XDH: variants seen among roughly 807,000 people sequenced by gnomAD.
The protein encoded by XDH is xanthine dehydrogenase/oxidase.
XDH carries 138 observed loss-of-function variants against 156.1 expected under a neutral mutation model. The observed-to-expected ratio is 0.88, with a 90% CI of 0.77 to 1.02. XDH has a LOEUF of 1.02. Ranked by LOEUF, XDH falls within the 50% of genes least tolerant of loss-of-function variation. The probability of loss-of-function intolerance (pLI) is 0.00; values close to 1 mark genes in which losing one functional copy is unlikely to be tolerated. For synonymous variants in XDH, 669 were observed against 625.7 expected, an observed-to-expected ratio of 1.07 and a Z score of -1.03; for missense variants, 1,849 against 1,684.9, an observed-to-expected ratio of 1.10 and a Z score of -1.71.
chr2:31,406,740 A>G (rs866316340), intron 1 of XDH, among the ~76,000 whole-genome samples: 7 of 152,340 alleles, frequency 4.6e-5, no homozygotes, highest in Middle Eastern at 3.4e-3. Context: ...GGCATCTGAG[A>G]GCATGGCATG....
rs752146912 is a variant in XDH, at chr2:31,350,080, C to T, written c.2775G>A (p.Glu925=). The change falls in exon 25 of 36, where the codon GAG becomes GAA. Residue 925 remains glutamate (E), a synonymous_variant. Coordinates refer to ENST00000379416, the MANE Select transcript of XDH (RefSeq NM_000379.4). The part of the protein sequence containing the change: ...FGGPQGMLIA[E]CWMSEVAVTC... ...TCACTGCAACTTCACTCATCCAGCACTCGGCAATGAGCATCCCCTGGGGCC... is the reference window on the plus strand; with the variant it reads ...TCACTGCAACTTCACTCATCCAGCATTCGGCAATGAGCATCCCCTGGGGCC... 6.2e-7 allele frequency: 1 copy of T among 1,614,256 alleles called. No individual in the cohort carries two copies. The highest frequency in any genetic ancestry group is 8.5e-7 in the Non-Finnish European group (1 of 1,180,054).
intron 6 of XDH, among the ~76,000 whole-genome samples, chr2:31,395,846 A>G (rs1558312306): frequency 6.6e-6 from 1 of 152,164 alleles, no homozygotes; most frequent in African/African-American, 2.4e-5. Context: ...TCTTGTTTAG[A>G]TGAAATAAAG....
intron 21 of XDH, 69 bp from the exon 22 acceptor site, chr2:31,366,178 C>G: frequency 6.2e-7 from 1 of 1,613,286 alleles, no homozygotes; most frequent in Non-Finnish European, 8.5e-7. Context: ...TAAGGCAGAG[C>G]CTGTCCAACA....
At chr2:31,393,225 G>C (rs764904851) in intron 6 of XDH, among the ~76,000 whole-genome samples, 14 of 152,112 alleles carry the variant, frequency 9.2e-5, no homozygotes, top group Non-Finnish European at 1.9e-4. Flanking sequence ...CTGATATAAG[G>C]GTGTTGAAGT....
chr2:31,347,692 C>T (rs1685339045), intron 28 of XDH, 42 bp from the exon 29 acceptor site: 1 of 1,600,638 alleles, frequency 6.2e-7, no homozygotes, highest in South Asian at 1.1e-5. Flanking sequence ...AAGGGGTTAT[C>T]ATGGGGCTTG....
chr2:31,353,507 G>C lies in XDH; in HGVS notation c.2632-3284C>G, dbSNP rs551212297. 3.3e-5 allele frequency among the ~76,000 whole-genome samples: 5 copies of C among 152,180 alleles called. No homozygotes were observed. In the South Asian group the frequency reaches 8.3e-4, roughly 25 times the overall value. ...TCTGAAAAGTGGAGGAAAAAAAAAG[G>C]CAGTCCCAGTAGGGACTTTGCAACC... On this transcript the variant is annotated intron_variant, in intron 24 of 35. Coordinates refer to ENST00000379416, the MANE Select transcript of XDH (RefSeq NM_000379.4).
rs747023185 is a variant in XDH at position 31,342,302 on chromosome 2, G to C, written c.3405-5C>G. The C allele has an allele frequency of 3.1e-6, 5 of 1,611,536 alleles. No individual in the cohort carries two copies. The Admixed American group carries it at 8.3e-5, about 27-fold the overall frequency. On this transcript the variant is annotated splice_polypyrimidine_tract_variant and splice_region_variant and intron_variant, in intron 31 of 35. Transcript: ENST00000379416. ...CTGTAGCCCAGATTGGGTGTTCTGG[G>C]AGAGGAAAGAGAAGGTACTGCACAT...
intron 26 of XDH, 42 bp downstream of exon 26, chr2:31,349,644 G>T: frequency 6.2e-7 from 1 of 1,613,376 alleles, no homozygotes. Flanking sequence ...TGTAGGATAT[G>T]AAACCCAGAA....
At chr2:31,369,942 C>A (rs1478934466) in intron 18 of XDH, among the ~76,000 whole-genome samples, 3 of 152,168 alleles carry the variant, frequency 2.0e-5, no homozygotes, top group Non-Finnish European at 4.4e-5. Context: ...TTGAAGAATT[C>A]CACATAGTTG....
Position 31,386,401 on chromosome 2 carries a change from C to T in XDH, c.793+13G>A. ...CCCCCTGGCAGCCCCAGGGCAGCCT[C>T]CCTGGCCCTTACCAATCTCCGTGTT... On this transcript the variant is annotated intron_variant, in intron 9 of 35. Transcript: ENST00000379416. 1.9e-6 allele frequency: 3 copies of T among 1,611,702 alleles called. No individual in the cohort carries two copies. Among genetic ancestry groups the T allele is most frequent in the Non-Finnish European group, 2.5e-6 (3 of 1,180,000 alleles).
intron 24 of XDH, among the ~76,000 whole-genome samples, chr2:31,360,486 G>A (rs1281596917): frequency 1.3e-5 from 2 of 152,150 alleles, no homozygotes; most frequent in Non-Finnish European, 2.9e-5. Context: ...GGGTGACAGA[G>A]TGAGACTCCA....
At chr2:31,338,802 C>T (rs1466954118) in intron 34 of XDH, among the ~76,000 whole-genome samples, 4 of 138,352 alleles carry the variant, frequency 2.9e-5, no homozygotes, top group African/African-American at 7.9e-5. Flanking sequence ...CGGCTCACTG[C>T]AGCCTCTGCC....
chr2:31,350,346 C>T lies in XDH; in HGVS notation c.2632-123G>A, dbSNP rs572663993. On this transcript the variant is annotated intron_variant, in intron 24 of 35. Coordinates refer to ENST00000379416, the MANE Select transcript of XDH (RefSeq NM_000379.4). ...CCCCTCTGCACCCAAGTTATTTCTCCCCCAGGATATTGCAGCAGCATCTTT... is the reference window on the plus strand; with the variant it reads ...CCCCTCTGCACCCAAGTTATTTCTCTCCCAGGATATTGCAGCAGCATCTTT... 5.2e-5 allele frequency: 45 copies of T among 861,688 alleles called. No homozygotes were observed. In the African/African-American group the frequency reaches 7.0e-4, roughly 13 times the overall value. The allele number at this position is 861,688 out of a possible 1,614,324, so 53.4% of individuals were successfully genotyped here. A position where few individuals can be genotyped will look rare whatever the true frequency, so the allele number is the denominator to read the frequency against.
chr2:31,359,791 ATTG>A (rs1056520108), intron 24 of XDH, among the ~76,000 whole-genome samples: 20 of 152,306 alleles, frequency 1.3e-4, no homozygotes, highest in South Asian at 8.3e-4. Context: ...GGATTAGGAT[ATTG>A]TTTTAGAAAA....
At chr2:31,356,638 T>C (rs918620353) in intron 24 of XDH, among the ~76,000 whole-genome samples, 5 of 152,212 alleles carry the variant, frequency 3.3e-5, no homozygotes, top group Non-Finnish European at 5.9e-5. Flanking sequence ...TGTGCGGTCC[T>C]GCCAACACCT....
rs149074112 is a variant in XDH at position 31,378,055 on chromosome 2, G to GAAGA, written c.1243-822_1243-819dup. Among the ~76,000 whole-genome samples, 178 of 65,484 alleles carry GAAGA rather than the reference G, an allele frequency of 2.7e-3. 11 individuals are homozygous for GAAGA. Among genetic ancestry groups the GAAGA allele is most frequent in the East Asian group, 2.9e-3 (6 of 2,050 alleles). 43.0% of individuals were successfully genotyped at this position (65,484 alleles called of 152,430 possible). The stretch of plus-strand genomic sequence containing the variant: ...AAAAAGAGAAGAAAGAGAAAGAAAG[G>GAAGA]AAGAAAGAAAGAAAGAAAGAAAGAA... On this transcript the variant is annotated intron_variant, in intron 13 of 35. Coordinates refer to ENST00000379416, the MANE Select transcript of XDH (RefSeq NM_000379.4).
intron 30 of XDH, among the ~76,000 whole-genome samples, chr2:31,346,127 G>C (rs1409592065): frequency 6.6e-6 from 1 of 152,204 alleles, no homozygotes; most frequent in African/African-American, 2.4e-5. Flanking sequence ...ACTGGGGAAG[G>C]ATGCAGAGCT....
At chr2:31,394,491 G>A (rs1193007669) in intron 6 of XDH, among the ~76,000 whole-genome samples, 1 of 151,974 alleles carries the variant, frequency 6.6e-6, no homozygotes, top group Non-Finnish European at 1.5e-5. Flanking sequence ...CACATGCCTT[G>A]GTATAGTTTT....
intron 35 of XDH, 47 bp from the exon 36 acceptor site, chr2:31,336,055 GCTCCTCCCACTCTCTTGCATACCT>G: frequency 6.3e-7 from 1 of 1,598,554 alleles, no homozygotes; most frequent in Non-Finnish European, 8.6e-7. Context: ...TGCTGATCAT[GCTCCTCCCACTCTCTTGCATACCT>G]CACCTCCCAC....
Sources: gnomAD v4.1 joint callset for allele counts (sites outside exome capture counted in the v4.1 genomes callset) on GRCh38, gnomAD v4.1.1 for gene constraint, MANE v1.5 for transcripts, NCBI Gene and HGNC (gene_info 2026-07-23, HGNC 2026-07-21) for gene names.